Variants in GPHN observed in about 807,000 individuals in gnomAD.
GPHN encodes gephyrin.
In GPHN, 17 loss-of-function variants were observed where a neutral mutation model predicts 95.5. The observed-to-expected ratio is 0.18, with a 90% CI of 0.12 to 0.27. The LOEUF is 0.27. Among genes scored for constraint, GPHN ranks in the 10% least tolerant of loss-of-function variants. GPHN has a pLI of 1.00. For missense variants in GPHN, 660 were observed against 978.1 expected, an observed-to-expected ratio of 0.67 and a Z score of 4.34; for synonymous variants, 320 against 322.5, an observed-to-expected ratio of 0.99 and a Z score of 0.08.
intron 3 of GPHN, 21 bp downstream of exon 3, chr14:66,776,542 C>T (rs774967664): frequency 1.1e-5 from 16 of 1,406,226 alleles, no homozygotes; most frequent in Middle Eastern, 3.5e-4. Flanking sequence ...GCATTTTTCA[C>T]CTCTACAAAC....
At chr14:67,250,213 G>A in the GPHN span, among the ~76,000 whole-genome samples, 74 of 152,054 alleles carry the variant, frequency 4.9e-4, no homozygotes, top group Non-Finnish European at 1.0e-3. Context: ...CTCCAGGAAC[G>A]TTCCATACCC....
chr14:66,773,949 A>C (rs983112118), intron 2 of GPHN, among the ~76,000 whole-genome samples: 1 of 147,198 alleles, frequency 6.8e-6, no homozygotes, highest in South Asian at 2.1e-4. Context: ...ATATTTTGTC[A>C]TCTTGACTGC....
chr14:66,685,691 G>T (rs2067306508), intron 2 of GPHN, among the ~76,000 whole-genome samples: 1 of 152,066 alleles, frequency 6.6e-6, no homozygotes, highest in Non-Finnish European at 1.5e-5. Flanking sequence ...CTCCCATTCT[G>T]TAGGTTGCCT....
chr14:67,005,312 T>G (rs903874652), intron 9 of GPHN, among the ~76,000 whole-genome samples: 19 of 152,006 alleles, frequency 1.2e-4, no homozygotes, highest in African/African-American at 4.3e-4. Context: ...TTTAAGATTT[T>G]TTAATAGTAT....
At chr14:67,708,099 A>C in the GPHN span, among the ~76,000 whole-genome samples, 1 of 152,226 alleles carries the variant, frequency 6.6e-6, no homozygotes, top group Non-Finnish European at 1.5e-5. Context: ...AATAATTTCC[A>C]AATTCTGGAG....
At chr14:67,498,824 C>G in the GPHN span, among the ~76,000 whole-genome samples, 12 of 151,928 alleles carry the variant, frequency 7.9e-5, no homozygotes, top group Non-Finnish European at 1.8e-4. Flanking sequence ...CACCACCATG[C>G]CTGATTAATT....
At position 67,122,338 on chromosome 14, in the gene GPHN, A is replaced by T. The variant is rs928280678; in HGVS notation, c.1709A>T (p.His570Leu). 6.2e-7 allele frequency: 1 copy of T among 1,613,244 alleles called. No individual in the cohort carries two copies. The highest frequency in any genetic ancestry group is 8.5e-7 in the Non-Finnish European group (1 of 1,179,190). Reference sequence around the variant, plus strand: ...ACTCTTCTAGCAACAATTCAGGAACATGGTTACCCCACGATCAACTTGGGT... The same window carrying T: ...ACTCTTCTAGCAACAATTCAGGAACTTGGTTACCCCACGATCAACTTGGGT... Reference protein sequence around the residue: ...RSTLLATIQEHGYPTINLGIV... With the variant: ...RSTLLATIQELGYPTINLGIV... The change falls in exon 17 of 23, where the codon CAT becomes CTT. Residue 570 changes from histidine to leucine, a missense_variant. Coordinates refer to ENST00000478722, the MANE Select transcript of GPHN (RefSeq NM_020806.5).
chr14:67,133,277 A>G (rs1345342396), intron 17 of GPHN, among the ~76,000 whole-genome samples: 1 of 152,162 alleles, frequency 6.6e-6, no homozygotes, highest in Non-Finnish European at 1.5e-5. Context: ...TCTCTGTGTC[A>G]TCTTCACTCA....
chr14:67,066,608 T>C (rs2076066430), intron 11 of GPHN, among the ~76,000 whole-genome samples: 1 of 152,260 alleles, frequency 6.6e-6, no homozygotes, highest in Admixed American at 6.5e-5. Flanking sequence ...CCCATATTTC[T>C]TGGAGGCTTT....
At chr14:66,870,558 C>T (rs1050841476) in intron 4 of GPHN, among the ~76,000 whole-genome samples, 9 of 152,156 alleles carry the variant, frequency 5.9e-5, no homozygotes, top group Non-Finnish European at 1.2e-4. Context: ...GTGATCCATC[C>T]ATCTATATAT....
the GPHN span, chr14:67,586,938 A>G: frequency 3.2e-6 from 5 of 1,543,312 alleles, no homozygotes; most frequent in East Asian, 4.9e-5. Flanking sequence ...CCCTTTGGAT[A>G]TTTTCTCCCA....
chr14:67,352,787 C>G, the GPHN span: 1 of 620,802 alleles, frequency 1.6e-6, no homozygotes, highest in East Asian at 2.9e-5. Flanking sequence ...ATATTTGACA[C>G]TTGTTAAACT....
chr14:67,208,550 T>A, the GPHN span: 4 of 1,241,424 alleles, frequency 3.2e-6, no homozygotes, highest in African/African-American at 3.0e-5. Context: ...CCACTGAAGA[T>A]TCTCAGAGAC....
At chr14:66,912,831 A>G (rs1003894618) in intron 5 of GPHN, among the ~76,000 whole-genome samples, 2 of 152,200 alleles carry the variant, frequency 1.3e-5, no homozygotes. Context: ...TTCAAAGATT[A>G]TGTTAACCCT....
At chr14:66,596,800 C>G (rs1202346365) in intron 1 of GPHN, among the ~76,000 whole-genome samples, 1 of 152,140 alleles carries the variant, frequency 6.6e-6, no homozygotes, top group Admixed American at 6.5e-5. Flanking sequence ...GCCCGGGGGG[C>G]GGGGCTCCCA....
At chr14:67,573,438 C>A in the GPHN span, 1 of 1,105,068 alleles carries the variant, frequency 9.0e-7, no homozygotes, top group South Asian at 1.3e-5. This position sits in a 1 kb window ranked among gnomAD's most constrained non-coding sequence, Gnocchi z 4.8. Context: ...ACATCACACC[C>A]TGGACTATGT....
the GPHN span, among the ~76,000 whole-genome samples, chr14:67,212,644 CAT>C: frequency 1.2e-3 from 166 of 142,796 alleles, 2 homozygotes; most frequent in Admixed American, 4.6e-3. Context: ...ATATATATTA[CAT>C]ATATATATAA....
At chr14:66,760,670 C>T (rs10130433) in intron 2 of GPHN, 93,990 of 421,140 alleles carry the variant, frequency 0.22, 17,252 homozygotes, top group African/African-American at 0.63. Flanking sequence ...GCATAATCCT[C>T]GCAAAGTTAG....
chr14:66,922,556 T>C lies in GPHN; in HGVS notation c.457-110T>C, dbSNP rs1204622634. The C allele has an allele frequency of 3.9e-6, 3 of 776,504 alleles. No individual in the cohort carries two copies. In the African/African-American group the frequency reaches 5.2e-5, roughly 13 times the overall value. The allele number at this position is 776,504 out of a possible 1,614,324, so 48.1% of individuals were successfully genotyped here. Reference sequence around the variant, plus strand: ...GTTTTACATATGATTGATTCTGAGATTGATGGAGGAAAATGCAAATCCAAA... The same window carrying C: ...GTTTTACATATGATTGATTCTGAGACTGATGGAGGAAAATGCAAATCCAAA... On this transcript the variant is annotated intron_variant, in intron 6 of 22. Coordinates refer to ENST00000478722, the MANE Select transcript of GPHN (RefSeq NM_020806.5).
Sources: gnomAD v4.1 joint callset for allele counts (sites outside exome capture counted in the v4.1 genomes callset) on GRCh38, gnomAD v4.1.1 for gene constraint, Gnocchi (gnomAD v3.1) non-coding constraint, MANE v1.5 for transcripts, NCBI Gene and HGNC (gene_info 2026-07-23, HGNC 2026-07-21) for gene names.